Variants in PCDH9 observed in about 807,000 individuals in gnomAD.
The protein encoded by PCDH9 is protocadherin 9, also known as protocadherin-9.
A neutral mutation model predicts 70.6 loss-of-function variants in PCDH9; 24 were observed. That is an observed-to-expected ratio of 0.34 (90% confidence interval 0.25 to 0.48). PCDH9 has a LOEUF of 0.48. Among genes scored for constraint, PCDH9 ranks in the 20% least tolerant of loss-of-function variants. The probability of loss-of-function intolerance (pLI) is 0.99; values close to 1 mark genes in which losing one functional copy is unlikely to be tolerated. For missense variants in PCDH9, 1,281 were observed against 1,503.6 expected (o/e 0.85, Z 2.45); for synonymous variants, 562 against 558.5 (o/e 1.01, Z -0.09).
At chr13:66,777,924 C>A (rs1269807773) in intron 3 of PCDH9, among the ~76,000 whole-genome samples, 1 of 152,112 alleles carries the variant, frequency 6.6e-6, no homozygotes, top group Middle Eastern at 3.4e-3. Context: ...AAATGTGGCA[C>A]ATATACACCA....
intron 3 of PCDH9, among the ~76,000 whole-genome samples, chr13:66,714,463 CA>C (rs761478779): frequency 5.8e-4 from 47 of 80,920 alleles, no homozygotes; most frequent in East Asian, 6.8e-4. Flanking sequence ...GACTCCGTCT[CA>C]AAAAAAAAAA....
chr13:66,749,040 G>T (rs2139221341), intron 3 of PCDH9, among the ~76,000 whole-genome samples: 1 of 152,278 alleles, frequency 6.6e-6, no homozygotes. Flanking sequence ...ATTATGTGAA[G>T]AAGGACATGT....
chr13:67,053,711 T>C (rs1223901472), intron 2 of PCDH9, among the ~76,000 whole-genome samples: 1 of 152,210 alleles, frequency 6.6e-6, no homozygotes, highest in Non-Finnish European at 1.5e-5. Flanking sequence ...TTAAGACAAG[T>C]TGGCATTTAC....
chr13:66,345,461 A>G (rs974169487), intron 4 of PCDH9, among the ~76,000 whole-genome samples: 11 of 152,200 alleles, frequency 7.2e-5, no homozygotes, highest in Non-Finnish European at 1.3e-4. Flanking sequence ...GACAGACTCA[A>G]TCACTGAGCT....
intron 4 of PCDH9, among the ~76,000 whole-genome samples, chr13:66,394,803 G>A (rs1175076886): frequency 1.3e-5 from 2 of 152,102 alleles, no homozygotes; most frequent in Non-Finnish European, 2.9e-5. Context: ...TTTTTAAAAT[G>A]AATTAAAAGT....
intron 2 of PCDH9, among the ~76,000 whole-genome samples, chr13:66,946,412 G>A (rs2083088118): frequency 1.3e-5 from 2 of 152,104 alleles, no homozygotes; most frequent in African/African-American, 4.8e-5. Flanking sequence ...GCTTATGCTT[G>A]TAATCCCAAC....
At chr13:66,664,821 C>T (rs2078070348) in intron 3 of PCDH9, among the ~76,000 whole-genome samples, 1 of 152,068 alleles carries the variant, frequency 6.6e-6, no homozygotes. Flanking sequence ...CTTACACCCT[C>T]TTACCTGGCA....
intron 4 of PCDH9, among the ~76,000 whole-genome samples, chr13:66,402,856 A>G (rs1022751769): frequency 5.3e-5 from 8 of 152,194 alleles, no homozygotes; most frequent in African/African-American, 1.7e-4. Flanking sequence ...GTCAATGTAC[A>G]TTATGTCTCT....
At chr13:66,480,069 A>G (rs1229289183) in intron 4 of PCDH9, among the ~76,000 whole-genome samples, 3 of 152,208 alleles carry the variant, frequency 2.0e-5, no homozygotes, top group African/African-American at 7.2e-5. Flanking sequence ...TCTTGAAGTC[A>G]GTGAGACCAA....
chr13:66,711,753 T>C (rs992283495), intron 3 of PCDH9, among the ~76,000 whole-genome samples: 3 of 152,182 alleles, frequency 2.0e-5, no homozygotes, highest in African/African-American at 4.8e-5. Flanking sequence ...TAATTGAGTC[T>C]TTTACGATGT....
At chr13:66,886,097 C>T (rs1334983893) in intron 3 of PCDH9, 1 of 152,114 alleles carries the variant, frequency 6.6e-6, no homozygotes, top group East Asian at 1.9e-4. Flanking sequence ...CACAACTGAC[C>T]TTCTTACTGT....
intron 2 of PCDH9, among the ~76,000 whole-genome samples, chr13:67,092,566 C>T (rs1313430682): frequency 6.6e-6 from 1 of 152,156 alleles, no homozygotes; most frequent in Non-Finnish European, 1.5e-5. Context: ...TCTCATAACT[C>T]TTCCCCTGTA....
chr13:66,522,970 AT>A (rs1960065324), intron 4 of PCDH9, among the ~76,000 whole-genome samples: 1 of 152,130 alleles, frequency 6.6e-6, no homozygotes, highest in Non-Finnish European at 1.5e-5. Context: ...ATAATATAAT[AT>A]CTTAACATTA....
At chr13:66,345,518 C>G (rs1344569216) in intron 4 of PCDH9, among the ~76,000 whole-genome samples, 2 of 152,156 alleles carry the variant, frequency 1.3e-5, no homozygotes, top group African/African-American at 2.4e-5. Flanking sequence ...AGGCCAATCT[C>G]CTGAACATTC....
chr13:67,187,624 T>C (rs2088792930), intron 2 of PCDH9, among the ~76,000 whole-genome samples: 1 of 152,150 alleles, frequency 6.6e-6, no homozygotes, highest in East Asian at 1.9e-4. Context: ...CTATGATTAT[T>C]GATTGTAATA....
intron 2 of PCDH9, among the ~76,000 whole-genome samples, chr13:67,027,372 A>C (rs1433428589): frequency 6.6e-6 from 1 of 152,330 alleles, no homozygotes; most frequent in South Asian, 2.1e-4. Context: ...CATATGTAGA[A>C]AGCTGAAACT....
chr13:66,819,389 T>C (rs1276497114), intron 3 of PCDH9, among the ~76,000 whole-genome samples: 1 of 151,948 alleles, frequency 6.6e-6, no homozygotes, highest in African/African-American at 2.4e-5. Context: ...ATGAATAACC[T>C]TGGAAGGACC....
intron 4 of PCDH9, among the ~76,000 whole-genome samples, chr13:66,607,755 G>T (rs1045219559): frequency 2.6e-5 from 4 of 152,044 alleles, no homozygotes; most frequent in African/African-American, 9.7e-5. Context: ...CTACAGTAAA[G>T]TGGTAAATTT....
At position 66,792,064 on chromosome 13, in the gene PCDH9, G is replaced by A. The variant is rs530706777; in HGVS notation, c.3138+111440C>T. Among the ~76,000 whole-genome samples the A allele has an allele frequency of 4.3e-4, 66 of 152,178 alleles. 1 individual carries two copies. Among genetic ancestry groups the A allele is most frequent in the African/African-American group, 1.6e-3 (65 of 41,530 alleles). On this transcript the variant is annotated intron_variant, in intron 3 of 4. Transcript: ENST00000377865. ...AAGTGCTCTGCAAATTTCAATTCACGAAATTCCAAGGGTATATTAAGGCAT... is the reference window on the plus strand; with the variant it reads ...AAGTGCTCTGCAAATTTCAATTCACAAAATTCCAAGGGTATATTAAGGCAT...
Sources: gnomAD v4.1 joint callset for allele counts (sites outside exome capture counted in the v4.1 genomes callset) on GRCh38, gnomAD v4.1.1 for gene constraint, MANE v1.5 for transcripts, NCBI Gene and HGNC (gene_info 2026-07-23, HGNC 2026-07-21) for gene names.